ZNF536: variants seen among roughly 807,000 people sequenced by gnomAD.
ZNF536 encodes zinc finger protein 536.
ZNF536 carries 13 observed loss-of-function variants against 84.5 expected under a neutral mutation model. The ratio of observed to expected loss-of-function variants is 0.15; its 90% CI spans 0.10 to 0.24. The LOEUF (loss-of-function observed/expected upper bound fraction) is 0.24. ZNF536 is among the 10% of genes least tolerant of loss of function. The pLI is 1.00. For missense variants in ZNF536, 1,536 were observed against 1,747.5 expected, an observed-to-expected ratio of 0.88 and a Z score of 2.16; for synonymous variants, 811 against 742.5, an observed-to-expected ratio of 1.09 and a Z score of -1.50.
intron 1 of ZNF536, among the ~76,000 whole-genome samples, chr19:30,701,193 A>T (rs199985837): frequency 6.0e-4 from 6 of 9,976 alleles, no homozygotes; most frequent in African/African-American, 4.2e-3. Context: ...TCTCACTCTC[A>T]CACACACACA....
At chr19:30,456,115 G>A (rs556293778) in intron 2 of ZNF536, among the ~76,000 whole-genome samples, 2 of 152,276 alleles carry the variant, frequency 1.3e-5, no homozygotes, top group East Asian at 3.9e-4. Flanking sequence ...CAATGGTTCA[G>A]ATTTGGACCC....
At chr19:30,344,612 G>A (rs978796370) in intron 2 of ZNF536, among the ~76,000 whole-genome samples, 6 of 151,972 alleles carry the variant, frequency 3.9e-5, no homozygotes, top group African/African-American at 1.2e-4. Context: ...GGCCTGGCCT[G>A]CCACACCTTA....
At chr19:30,385,424 G>T (rs1327576339) in intron 1 of ZNF536, among the ~76,000 whole-genome samples, 1 of 152,078 alleles carries the variant, frequency 6.6e-6, no homozygotes, top group African/African-American at 2.4e-5. Flanking sequence ...TCTCCCTGTG[G>T]GCTGGGTAAC....
intron 2 of ZNF536, among the ~76,000 whole-genome samples, chr19:30,285,547 C>A (rs1038235219): frequency 6.6e-6 from 1 of 152,094 alleles, no homozygotes; most frequent in African/African-American, 2.4e-5. Context: ...TTTTTTCCTC[C>A]CCTCTGTCAC....
At chr19:30,701,366 A>G (rs1366071979) in intron 1 of ZNF536, among the ~76,000 whole-genome samples, 1 of 142,496 alleles carries the variant, frequency 7.0e-6, no homozygotes, top group Non-Finnish European at 1.5e-5. Flanking sequence ...CACAAACACA[A>G]ATACACAAAC....
chr19:30,519,664 G>T (rs1245064952), intron 2 of ZNF536, among the ~76,000 whole-genome samples: 1 of 152,182 alleles, frequency 6.6e-6, no homozygotes, highest in Non-Finnish European at 1.5e-5. Context: ...GGTCAGAGGT[G>T]GCTAGTTATG....
chr19:30,299,118 A>G (rs1248357702), intron 2 of ZNF536, among the ~76,000 whole-genome samples: 1 of 152,150 alleles, frequency 6.6e-6, no homozygotes, highest in Non-Finnish European at 1.5e-5. Flanking sequence ...TATTTATTGA[A>G]ATCACTGATT....
intron 1 of ZNF536, among the ~76,000 whole-genome samples, chr19:30,592,277 G>A (rs1443334344): frequency 1.3e-5 from 2 of 152,172 alleles, no homozygotes; most frequent in Non-Finnish European, 2.9e-5. Context: ...CAAGTAGTAG[G>A]ATATGGAGAG....
intron 2 of ZNF536, among the ~76,000 whole-genome samples, chr19:30,464,877 G>C (rs1047521775): frequency 6.6e-6 from 1 of 152,122 alleles, no homozygotes; most frequent in African/African-American, 2.4e-5. Context: ...AGGCCTAGAG[G>C]GCCCCTTTGA....
intron 1 of ZNF536, among the ~76,000 whole-genome samples, chr19:30,614,942 A>AT (rs555419932): frequency 0.036 from 1,155 of 32,290 alleles, 321 homozygotes; most frequent in African/African-American, 0.049. Context: ...CCCCTTTTCA[A>AT]TTTTTTTTTT....
At chr19:30,315,006 C>G (rs2046633729) in intron 2 of ZNF536, among the ~76,000 whole-genome samples, 1 of 152,176 alleles carries the variant, frequency 6.6e-6, no homozygotes, top group Non-Finnish European at 1.5e-5. Context: ...CTCCTCCCCA[C>G]CACGCCTACT....
At chr19:30,497,096 C>T (rs932849694) in intron 2 of ZNF536, among the ~76,000 whole-genome samples, 3 of 152,178 alleles carry the variant, frequency 2.0e-5, no homozygotes, top group African/African-American at 7.2e-5. Context: ...GCCAGAGGAG[C>T]GTCTGCAGGT....
At chr19:30,678,165 G>A (rs367604573) in intron 1 of ZNF536, among the ~76,000 whole-genome samples, 3 of 152,220 alleles carry the variant, frequency 2.0e-5, no homozygotes, top group Non-Finnish European at 4.4e-5. Flanking sequence ...AAGCAAGGGG[G>A]TGCTGTCTTC....
At chr19:30,229,802 C>A (rs2022896899) in intron 1 of ZNF536, among the ~76,000 whole-genome samples, 1 of 152,128 alleles carries the variant, frequency 6.6e-6, no homozygotes. Flanking sequence ...ACCGCCGAGC[C>A]CTAGGAATTA....
chr19:30,711,963 C>T (rs965580162), exon 2 of ZNF536: 4 of 151,946 alleles, frequency 2.6e-5, no homozygotes, highest in Non-Finnish European at 5.9e-5. Context: ...TCCTTATTAT[C>T]GGATTTTTTT....
At chr19:30,626,058 G>C (rs1020315111) in intron 1 of ZNF536, among the ~76,000 whole-genome samples, 4 of 152,182 alleles carry the variant, frequency 2.6e-5, no homozygotes, top group African/African-American at 7.2e-5. Flanking sequence ...CATGTAAAAG[G>C]GCAGGGCATT....
intron 3 of ZNF536, among the ~76,000 whole-genome samples, chr19:30,540,789 C>A (rs2045298225): frequency 6.6e-6 from 1 of 152,254 alleles, no homozygotes; most frequent in South Asian, 2.1e-4. Context: ...TGTGTCCACA[C>A]CATACCCAAC....
chr19:30,685,491 G>T (rs1568670005), intron 1 of ZNF536, among the ~76,000 whole-genome samples: 1 of 152,084 alleles, frequency 6.6e-6, no homozygotes, highest in Non-Finnish European at 1.5e-5. Flanking sequence ...TTGGCTCCTT[G>T]CAAACAGGGC....
chr19:30,497,375 G>A (rs890716172), intron 2 of ZNF536, among the ~76,000 whole-genome samples: 3 of 152,180 alleles, frequency 2.0e-5, no homozygotes, highest in Non-Finnish European at 4.4e-5. Flanking sequence ...AGCATGCAGG[G>A]ACGCATCCAG....
Sources: gnomAD v4.1 joint callset for allele counts (sites outside exome capture counted in the v4.1 genomes callset) on GRCh38, gnomAD v4.1.1 for gene constraint, MANE v1.5 for transcripts, NCBI Gene and HGNC (gene_info 2026-07-23, HGNC 2026-07-21) for gene names.